Variants in LGI4 observed in about 807,000 individuals in gnomAD.
LGI4 encodes leucine-rich repeat LGI family member 4.
In LGI4, 36 loss-of-function variants were observed where a neutral mutation model predicts 48.3. The ratio of observed to expected loss-of-function variants is 0.75; its 90% confidence interval spans 0.57 to 0.98. The LOEUF is 0.98. Ranked by LOEUF, LGI4 falls within the 50% of genes least tolerant of loss-of-function variation. LGI4 has a pLI of 0.00. For synonymous variants in LGI4, 355 were observed against 331.6 expected (o/e 1.07, Z -0.77); for missense variants, 701 against 732.1 (o/e 0.96, Z 0.49).
At chr19:35,133,072 C>T (rs2065186341) in intron 3 of LGI4, among the ~76,000 whole-genome samples, 1 of 152,100 alleles carries the variant, frequency 6.6e-6, no homozygotes, top group African/African-American at 2.4e-5. Context: ...TGATTTCATC[C>T]ATAGCATCAT....
At position 35,126,662 on chromosome 19, in the gene LGI4, G is replaced by A; in HGVS notation, c.907C>T (p.Leu303=). 6.5e-7 allele frequency: 1 copy of A among 1,535,856 alleles called. No homozygotes were observed. The highest frequency in any genetic ancestry group is 8.7e-7 in the Non-Finnish European group (1 of 1,146,286). ...LWARPSPGLR[L]APTQTLAPRR... ...GGGGCCAGGGTCTGCGTTGGGGCCAGGCGCAGGCCGGGACTGGGCCGGGCC... is the reference window on the plus strand; with the variant it reads ...GGGGCCAGGGTCTGCGTTGGGGCCAAGCGCAGGCCGGGACTGGGCCGGGCC... Residue 303 remains leucine, a synonymous_variant, in exon 8 of 9, where the codon CTG becomes TTG. Coordinates refer to ENST00000310123, the MANE Select transcript of LGI4 (RefSeq NM_139284.3).
Position 35,134,116 on chromosome 19 carries a change from G to A in LGI4, c.171-12C>T, listed in dbSNP as rs1433103112. Reference sequence around the variant, plus strand: ...TCCTGACGAGTGAGCTGGGGATGTGGGCAGTGGTAGGTGAGAGGGACACCA... The same window carrying A: ...TCCTGACGAGTGAGCTGGGGATGTGAGCAGTGGTAGGTGAGAGGGACACCA... On this transcript the variant is annotated splice_polypyrimidine_tract_variant and intron_variant, in intron 1 of 8. Coordinates refer to ENST00000310123, the MANE Select transcript of LGI4 (RefSeq NM_139284.3). 1.3e-6 allele frequency: 2 copies of A among 1,559,302 alleles called. No individual in the cohort carries two copies. Among genetic ancestry groups the A allele is most frequent in the Non-Finnish European group, 1.7e-6 (2 of 1,151,188 alleles).
chr19:35,134,699 AGGCACCCGCTTCTCCC>A lies in LGI4; in HGVS notation c.-35_-20del. On this transcript the variant is annotated 5_prime_UTR_variant, in exon 1 of 9. Transcript: ENST00000310123. ...CTCCCATGCCCCCACCCCCACTCTG[AGGCACCCGCTTCTCCC>A]GGCCCACCCAGCTCAGCCCAGGCCA... The A allele has an allele frequency of 8.4e-7, 1 of 1,194,964 alleles. No homozygotes were observed. The highest frequency in any genetic ancestry group is 1.5e-5 in the South Asian group (1 of 68,612). 74.0% of individuals were successfully genotyped at this position (1,194,964 alleles called of 1,614,324 possible).
chr19:35,133,920 C>A, intron 2 of LGI4, 113 bp downstream of exon 2: 1 of 1,289,476 alleles, frequency 7.8e-7, no homozygotes, highest in Non-Finnish European at 1.1e-6. Context: ...GCATACACCC[C>A]CACACACGTG....
chr19:35,126,385 C>A lies in LGI4; in HGVS notation c.1184G>T (p.Gly395Val). The A allele has an allele frequency of 6.2e-7, 1 of 1,610,800 alleles. No homozygotes were observed. ...GATGTCTGTGCGTCTCTCGAAGCGG[C>A]CACCGGTCCAGTGGAAGAGCACGGG... ...QRPVLFHWTG[G>V]RFERRTDIPE... Residue 395 changes from glycine (G) to valine (V), a missense_variant, in exon 8 of 9, where the codon GGC (glycine) becomes GTC (valine). By Grantham distance (109) the Gly-to-Val change is moderately radical (BLOSUM62 -3). Around this residue, in one of 3 missense-constraint regions of LGI4, gnomAD observed 223 missense variants for 263.3 expected, o/e 0.85. Transcript: ENST00000310123.
rs2065138187 is a variant in LGI4 at position 35,126,464 on chromosome 19, C to T, written c.1105G>A (p.Ala369Thr). 6.3e-7 allele frequency: 1 copy of T among 1,578,932 alleles called. No homozygotes were observed. The highest frequency in any genetic ancestry group is 1.3e-5 in the African/African-American group (1 of 74,650). ...HAWHRDTDAE[A>T]LELDGRPHLL... Reference sequence around the variant, plus strand: ...TGGGGCCGGCCGTCCAGCTCCAGGGCCTCAGCGTCCGTGTCCCGGTGCCAG... The same window carrying T: ...TGGGGCCGGCCGTCCAGCTCCAGGGTCTCAGCGTCCGTGTCCCGGTGCCAG... Residue 369 changes from alanine to threonine, a missense_variant, in exon 8 of 9, where the codon GCC (alanine) becomes ACC (threonine). By Grantham distance (58) the Ala-to-Thr change is moderately conservative (BLOSUM62 0). Transcript: ENST00000310123.
At chr19:35,126,088 C>T (rs1568392427) in intron 8 of LGI4, 182 bp downstream of exon 8, 3 of 644,552 alleles carry the variant, frequency 4.7e-6, no homozygotes, top group Admixed American at 2.8e-5. Flanking sequence ...GCATCAGTGT[C>T]GGGGACTGGG....
At chr19:35,133,785 A>G in intron 2 of LGI4, 21 bp from the exon 3 acceptor site, 1 of 1,590,054 alleles carries the variant, frequency 6.3e-7, no homozygotes, top group Non-Finnish European at 8.6e-7. Flanking sequence ...GGCAAGAAAG[A>G]AATTTTTCCA....
chr19:35,134,618 T>C lies in LGI4; in HGVS notation c.63A>G (p.Arg21=). 1 of 1,582,668 alleles carries C rather than the reference T, an allele frequency of 6.3e-7. No individual in the cohort carries two copies. Among genetic ancestry groups the C allele is most frequent in the Non-Finnish European group, 8.6e-7 (1 of 1,164,090 alleles). ...GCAGGGGACACTTTCCCTTTGGGGG[T>C]CTCCAGGCCACCACCACCCCCGCCC... is the stretch of plus-strand genomic sequence containing the variant. ...LAGAGVVVAW[R]PPKGKCPLRC... is the part of the protein sequence containing the mutation. Residue 21 remains arginine, a synonymous_variant, in exon 1 of 9, where the codon AGA becomes AGG. Coordinates refer to ENST00000310123, the MANE Select transcript of LGI4 (RefSeq NM_139284.3).
chr19:35,125,030 G>T lies in LGI4; in HGVS notation c.*163C>A. The T allele has an allele frequency of 1.9e-6, 1 of 522,580 alleles. No homozygotes were observed. The highest frequency in any genetic ancestry group is 3.2e-6 in the Non-Finnish European group (1 of 315,162). The allele number at this position is 522,580 out of a possible 1,614,324, so 32.4% of individuals were successfully genotyped here. On this transcript the variant is annotated 3_prime_UTR_variant, in exon 9 of 9. Coordinates refer to ENST00000310123, the MANE Select transcript of LGI4 (RefSeq NM_139284.3). ...CTGGGACCCTCTATGTCCCCCCATGGGTGCAGATCCTTTAAGAAGTGGGCT... is the reference window on the plus strand; with the variant it reads ...CTGGGACCCTCTATGTCCCCCCATGTGTGCAGATCCTTTAAGAAGTGGGCT...
At chr19:35,131,097 TG>T (rs1360118270) in intron 6 of LGI4, 3 of 589,662 alleles carry the variant, frequency 5.1e-6, no homozygotes, top group Non-Finnish European at 9.0e-6. Context: ...TTAAATTGGT[TG>T]CTTTTATGTT....
In LGI4 at chr19:35,126,622, C is replaced by A; in HGVS notation, c.947G>T (p.Arg316Leu). ...CCACAGGAGCTCGGCGTCATTGGGC[C>A]GCAGCAGCCGCCGCGGGGCCAGGGT... ...TQTLAPRRLL[R>L]PNDAELLWLE... The change falls in exon 8 of 9, where the codon CGG (arginine) becomes CTG (leucine). Residue 316 changes from arginine to leucine, a missense_variant. Physicochemically the swap from Arg to Leu is moderately radical, Grantham distance 102. Coordinates refer to ENST00000310123, the MANE Select transcript of LGI4 (RefSeq NM_139284.3). 1 of 1,540,884 alleles carries A rather than the reference C, an allele frequency of 6.5e-7. No homozygotes were observed. The highest frequency in any genetic ancestry group is 8.7e-7 in the Non-Finnish European group (1 of 1,149,314).
In LGI4 at chr19:35,127,035, A is replaced by G; in HGVS notation, c.629-18T>C. On this transcript the variant is annotated intron_variant, in intron 6 of 8. Transcript: ENST00000310123. ...GGACAGCTCTGTGGGTGGAGAAGAG[A>G]GTCAGGCAGGCCCCAGGACCCCCAG... is the stretch of plus-strand genomic sequence containing the variant. 6.4e-7 allele frequency: 1 copy of G among 1,563,668 alleles called. No individual in the cohort carries two copies. Among genetic ancestry groups the G allele is most frequent in the Non-Finnish European group, 8.7e-7 (1 of 1,151,596 alleles).
At position 35,124,714 on chromosome 19, in the gene LGI4, TGAG is replaced by T. The variant is rs1166814649; in HGVS notation, c.*476_*478del. On this transcript the variant is annotated 3_prime_UTR_variant, in exon 9 of 9. Coordinates refer to ENST00000310123, the MANE Select transcript of LGI4 (RefSeq NM_139284.3). ...CAGCAGAGGGGAACCCGCCCAGTGC[TGAG>T]TTGTCTTCGAGGTTGGCGCTCCTCC... 1 of 153,090 alleles carries T rather than the reference TGAG, an allele frequency of 6.5e-6. No homozygotes were observed. Among genetic ancestry groups the T allele is most frequent in the East Asian group, 1.9e-4 (1 of 5,220 alleles). The allele number at this position is 153,090 out of a possible 1,614,324, so 9.5% of individuals were successfully genotyped here. A position where few individuals can be genotyped will look rare whatever the true frequency, so the allele number is the denominator to read the frequency against.
intron 6 of LGI4, among the ~76,000 whole-genome samples, chr19:35,130,138 C>T (rs2065164909): frequency 6.6e-6 from 1 of 152,138 alleles, no homozygotes; most frequent in South Asian, 2.1e-4. Context: ...CTGCCACATC[C>T]CCCTCGCTGA....
rs774249842 is a variant in LGI4 at position 35,134,636 on chromosome 19, C to A, written c.45G>T (p.Gly15=). The change falls in exon 1 of 9, where the codon GGG becomes GGT. Residue 15 remains glycine, a synonymous_variant. Transcript: ENST00000310123. ...GILLLLLAGA[G]VVVAWRPPKG... is the part of the protein sequence containing the mutation. ...TTGGGGGTCTCCAGGCCACCACCAC[C>A]CCCGCCCCAGCCAGCAGCAGCAGCA... 6.4e-7 allele frequency: 1 copy of A among 1,559,638 alleles called. No homozygotes were observed. Among genetic ancestry groups the A allele is most frequent in the Non-Finnish European group, 8.7e-7 (1 of 1,148,488 alleles).
chr19:35,132,478 C>A (rs371848474), intron 3 of LGI4, among the ~76,000 whole-genome samples: 7 of 152,088 alleles, frequency 4.6e-5, no homozygotes, highest in African/African-American at 1.4e-4. Flanking sequence ...CACACCACCA[C>A]ATTACCTCCA....
At chr19:35,125,561 T>C in intron 8 of LGI4, 54 bp from the exon 9 acceptor site, 1 of 1,399,650 alleles carries the variant, frequency 7.1e-7, no homozygotes, top group Non-Finnish European at 9.7e-7. Context: ...CTGGGGGCCG[T>C]GGAACAGCTT....
At chr19:35,128,583 C>T (rs2065155349) in intron 6 of LGI4, among the ~76,000 whole-genome samples, 1 of 152,244 alleles carries the variant, frequency 6.6e-6, no homozygotes, top group African/African-American at 2.4e-5. Flanking sequence ...GGTGGTGGTG[C>T]ACCTGTAGCC....
Sources: allele counts gnomAD v4.1 joint callset (sites outside exome capture counted in the v4.1 genomes callset), GRCh38; gene constraint gnomAD v4.1.1; regional missense constraint gnomAD v4.1.1; transcripts MANE v1.5; gene names NCBI Gene and HGNC (gene_info 2026-07-23, HGNC 2026-07-21).